Variants in HPGD observed in about 807,000 individuals in gnomAD.
HPGD encodes 15-hydroxyprostaglandin dehydrogenase.
Under a neutral mutation model 30.0 loss-of-function variants are expected in HPGD, and 29 were observed. The observed-to-expected ratio is 0.97, with a 90% CI of 0.72 to 1.32. HPGD has a LOEUF of 1.32. Among genes scored for constraint, HPGD ranks in the 40% most tolerant of loss-of-function variants. The pLI, the probability that HPGD is intolerant of heterozygous loss-of-function variation, is 0.00. For missense variants in HPGD, 340 were observed against 322.1 expected (o/e 1.06, Z -0.43); for synonymous variants, 99 against 112.4 (o/e 0.88, Z 0.75).
chr4:174,493,451 G>A, intron 5 of HPGD, 137 bp from the exon 6 acceptor site: 3 of 748,748 alleles, frequency 4.0e-6, no homozygotes, highest in Middle Eastern at 2.5e-4. Flanking sequence ...AACAATGACT[G>A]GTAAATAGAT....
chr4:174,499,262 G>A (rs6828850), intron 4 of HPGD, among the ~76,000 whole-genome samples: 29,429 of 152,088 alleles, frequency 0.19, 3,489 homozygotes, highest in Non-Finnish European at 0.27. Context: ...AACTATACAT[G>A]GTAGTCATCT....
At chr4:174,497,499 A>G (rs1734652666) in intron 4 of HPGD, among the ~76,000 whole-genome samples, 1 of 139,256 alleles carries the variant, frequency 7.2e-6, no homozygotes, top group Non-Finnish European at 1.6e-5. Context: ...TTCTAATCAC[A>G]TTTTCACTGC....
At chr4:174,497,272 T>G (rs567279570) in intron 4 of HPGD, among the ~76,000 whole-genome samples, 1 of 152,180 alleles carries the variant, frequency 6.6e-6, no homozygotes, top group African/African-American at 2.4e-5. Context: ...GAATTTGAAA[T>G]GAATTTTTGT....
At chr4:174,498,707 TA>T (rs1332064528) in intron 4 of HPGD, among the ~76,000 whole-genome samples, 1 of 134,246 alleles carries the variant, frequency 7.4e-6, no homozygotes, top group Non-Finnish European at 1.7e-5. Flanking sequence ...GTCAAGTTGT[TA>T]ATTGAAGTTT....
Position 174,493,263 on chromosome 4 carries a change from C to T in HPGD, c.550G>A (p.Gly184Ser). Residue 184 changes from glycine (G) to serine (S), a missense_variant, in exon 6 of 7, where the codon GGC becomes AGC. Coordinates refer to ENST00000296522, the MANE Select transcript of HPGD (RefSeq NM_000860.6). ...TCAAGGATGGCTGTGTTAACAAAGCCTGGACAAATGGCATTCAGTCTCACA... is the reference window on the plus strand; with the variant it reads ...TCAAGGATGGCTGTGTTAACAAAGCTTGGACAAATGGCATTCAGTCTCACA... ...SGVRLNAICP[G>S]FVNTAILESI... 6.2e-7 allele frequency: 1 copy of T among 1,613,256 alleles called. No individual in the cohort carries two copies. Among genetic ancestry groups the T allele is most frequent in the Non-Finnish European group, 8.5e-7 (1 of 1,179,444 alleles).
At position 174,494,472 on chromosome 4, in the gene HPGD, G is replaced by C. The variant is rs1415165456; in HGVS notation, c.498+1076C>G. Among the ~76,000 whole-genome samples the C allele has an allele frequency of 6.6e-6, 1 of 152,050 alleles. No homozygotes were observed. The highest frequency in any genetic ancestry group is 1.5e-5 in the Non-Finnish European group (1 of 67,990). On this transcript the variant is annotated intron_variant, in intron 5 of 6. Coordinates refer to ENST00000296522, the MANE Select transcript of HPGD (RefSeq NM_000860.6). The surrounding 1 kb of genome is among the most constrained non-coding windows in gnomAD (Gnocchi z 4.9). ...TTGTAATTTTAAATATAAAATTTCTGGTCTTTCAGGTTTACTTTGCTTTGT... is the reference window on the plus strand; with the variant it reads ...TTGTAATTTTAAATATAAAATTTCTCGTCTTTCAGGTTTACTTTGCTTTGT...
At chr4:174,504,553 A>G (rs1281653781) in intron 4 of HPGD, among the ~76,000 whole-genome samples, 1 of 152,000 alleles carries the variant, frequency 6.6e-6, no homozygotes, top group African/African-American at 2.4e-5. Flanking sequence ...TGCGCCTGTA[A>G]TCCCAGCACT....
chr4:174,511,215 GA>G (rs34118686), intron 3 of HPGD, among the ~76,000 whole-genome samples: 75,150 of 144,286 alleles, frequency 0.52, 19,067 homozygotes, highest in Middle Eastern at 0.59. Context: ...GTGCATTTCA[GA>G]AAAAAAAAAA....
intron 4 of HPGD, among the ~76,000 whole-genome samples, chr4:174,505,579 A>G (rs1160505613): frequency 6.6e-6 from 1 of 152,176 alleles, no homozygotes; most frequent in Admixed American, 6.5e-5. Flanking sequence ...CTGAATTTTT[A>G]TCAAACTAAT....
In HPGD at chr4:174,497,881, TTCTC is replaced by T. The variant is rs1158301236; in HGVS notation, c.422-2261_422-2258del. Among the ~76,000 whole-genome samples the T allele has an allele frequency of 2.0e-5, 3 of 148,908 alleles. No homozygotes were observed. In the South Asian group the frequency reaches 6.4e-4, roughly 32 times the overall value. Reference sequence around the variant, plus strand: ...ATGAGCCACCATGGCCGGCCTCACTTTCTCTCTCTCTCTTTCTCTCTCTCTCTCT... The same window carrying T: ...ATGAGCCACCATGGCCGGCCTCACTTTCTCTCTCTTTCTCTCTCTCTCTCT... On this transcript the variant is annotated intron_variant, in intron 4 of 6. Transcript: ENST00000296522.
In HPGD at chr4:174,517,998, G is replaced by A; in HGVS notation, c.297C>T (p.Asn99=). The A allele has an allele frequency of 6.3e-7, 1 of 1,594,618 alleles. No individual in the cohort carries two copies. Residue 99 remains asparagine (N), a synonymous_variant, in exon 3 of 7, where the codon AAC becomes AAT. Transcript: ENST00000296522. ...AATTAATTTGCAGAGTTTTTTCCCA[G>A]TTTTTCTCATTATTCACTCCAGCAT... is the stretch of plus-strand genomic sequence containing the variant. ...VNNAGVNNEK[N]WEKTLQINLV...
At chr4:174,500,255 A>G (rs190119350) in intron 4 of HPGD, among the ~76,000 whole-genome samples, 35 of 152,390 alleles carry the variant, frequency 2.3e-4, no homozygotes, top group Non-Finnish European at 4.4e-4. Context: ...AATGCTGAAG[A>G]CACCAAATAC....
In HPGD at chr4:174,496,339, C is replaced by T. The variant is rs978837535; in HGVS notation, c.422-715G>A. Among the ~76,000 whole-genome samples, 19 of 152,020 alleles carry T rather than the reference C, an allele frequency of 1.2e-4. No homozygotes were observed. The highest frequency in any genetic ancestry group is 4.3e-4 in the African/African-American group (18 of 41,470). Reference sequence around the variant, plus strand: ...TTTGTAATTTTCCACATATGCACAACAGTAACTGATTAAATTCATGGTCTG... The same window carrying T: ...TTTGTAATTTTCCACATATGCACAATAGTAACTGATTAAATTCATGGTCTG... On this transcript the variant is annotated intron_variant, in intron 4 of 6. Coordinates refer to ENST00000296522, the MANE Select transcript of HPGD (RefSeq NM_000860.6). This position sits in a 1 kb window ranked among gnomAD's most constrained non-coding sequence, Gnocchi z 4.6.
chr4:174,504,813 CAAAACAAA>C (rs1735103689), intron 4 of HPGD, among the ~76,000 whole-genome samples: 2 of 100,934 alleles, frequency 2.0e-5, no homozygotes, highest in Non-Finnish European at 4.1e-5. Context: ...AACTCTGTCT[CAAAACAAA>C]CAAACAAACA....
chr4:174,515,138 T>G (rs980182642), intron 3 of HPGD, among the ~76,000 whole-genome samples: 3 of 152,048 alleles, frequency 2.0e-5, no homozygotes, highest in Middle Eastern at 3.2e-3. Context: ...ACTACCATCA[T>G]CATTTCCACA....
intron 3 of HPGD, among the ~76,000 whole-genome samples, chr4:174,512,780 A>T (rs1253541470): frequency 1.3e-5 from 2 of 152,202 alleles, no homozygotes; most frequent in Non-Finnish European, 2.9e-5. Flanking sequence ...AAAGTGGCCT[A>T]TGTCAGCAGA....
upstream of HPGD, chr4:174,522,800 G>T (rs1308811878): frequency 2.4e-5 from 5 of 209,694 alleles, no homozygotes. Context: ...AGACCAACTG[G>T]ATAGAAGGAG....
At chr4:174,495,481 T>C in intron 5 of HPGD, 67 bp downstream of exon 5, 2 of 1,200,242 alleles carry the variant, frequency 1.7e-6, no homozygotes, top group South Asian at 2.4e-5. Context: ...GATTCCTCTC[T>C]ACAGAATTCA....
At chr4:174,495,423 A>G (rs545743035) in intron 5 of HPGD, 125 bp downstream of exon 5, 1 of 734,540 alleles carries the variant, frequency 1.4e-6, no homozygotes, top group African/African-American at 1.7e-5. Context: ...TATAATTGAG[A>G]TGGAGGTATG....
Sources: gnomAD v4.1 joint callset for allele counts (sites outside exome capture counted in the v4.1 genomes callset) on GRCh38, gnomAD v4.1.1 for gene constraint, Gnocchi (gnomAD v3.1) non-coding constraint, MANE v1.5 for transcripts, NCBI Gene and HGNC (gene_info 2026-07-23, HGNC 2026-07-21) for gene names.